Variants in CROCC2 observed in about 807,000 individuals in gnomAD.
CROCC2 encodes ciliary rootlet coiled-coil protein 2.
CROCC2 carries 163 observed loss-of-function variants against 177.6 expected under a neutral mutation model. That is an observed-to-expected ratio of 0.92 (90% CI 0.81 to 1.05). CROCC2 has a LOEUF of 1.05. CROCC2 is among the 50% of genes least tolerant of loss of function. The probability of loss-of-function intolerance (pLI) is 0.00; values close to 1 mark genes in which losing one functional copy is unlikely to be tolerated. For missense variants in CROCC2, 1,929 were observed against 1,797.8 expected, an observed-to-expected ratio of 1.07 and a Z score of -1.32; for synonymous variants, 904 against 787.3, an observed-to-expected ratio of 1.15 and a Z score of -2.48.
At chr2:240,957,201 C>T (rs1052938562) in intron 19 of CROCC2, among the ~76,000 whole-genome samples, 2 of 152,208 alleles carry the variant, frequency 1.3e-5, no homozygotes, top group Non-Finnish European at 2.9e-5. Context: ...TGGCCACACA[C>T]ACCCCATTAG....
chr2:240,963,240 G>C, intron 20 of CROCC2: 2 of 403,980 alleles, frequency 5.0e-6, no homozygotes, highest in Non-Finnish European at 9.0e-6. Flanking sequence ...GTGCTGAGCC[G>C]CATCCCAGGT....
chr2:240,963,447 G>A, intron 20 of CROCC2, 109 bp from the exon 21 acceptor site: 1 of 1,164,126 alleles, frequency 8.6e-7, no homozygotes, highest in Admixed American at 2.9e-5. Flanking sequence ...GGACCAAGTT[G>A]GGCAGGGCAC....
chr2:240,930,861 C>A, intron 6 of CROCC2, 70 bp from the exon 7 acceptor site: 1 of 629,198 alleles, frequency 1.6e-6, no homozygotes, highest in Non-Finnish European at 2.9e-6. Context: ...CTCTGTGGGG[C>A]TGATGGGACC....
chr2:240,911,335 C>T (rs1367039505), intron 1 of CROCC2, among the ~76,000 whole-genome samples: 56 of 133,822 alleles, frequency 4.2e-4, no homozygotes, highest in African/African-American at 1.4e-3. Flanking sequence ...TGGTCTCTGT[C>T]GCCCAGGCTG....
intron 27 of CROCC2, among the ~76,000 whole-genome samples, chr2:240,981,346 C>G (rs1231010908): frequency 1.3e-5 from 2 of 152,200 alleles, no homozygotes; most frequent in Non-Finnish European, 2.9e-5. Flanking sequence ...GGGAGAAGGG[C>G]TGGGGTTCTT....
At chr2:240,948,496 G>C (rs1425805302) in intron 15 of CROCC2, among the ~76,000 whole-genome samples, 2 of 152,188 alleles carry the variant, frequency 1.3e-5, no homozygotes, top group Non-Finnish European at 2.9e-5. Context: ...TTAATGCCTT[G>C]CTTTGTTCAC....
chr2:240,992,753 A>G (rs926901539), intron 31 of CROCC2, among the ~76,000 whole-genome samples: 1 of 152,222 alleles, frequency 6.6e-6, no homozygotes, highest in African/African-American at 2.4e-5. Flanking sequence ...ACTGCTGGAG[A>G]GTGCTCTGCC....
chr2:240,991,119 G>A, intron 30 of CROCC2, 77 bp from the exon 31 acceptor site: 1 of 1,087,306 alleles, frequency 9.2e-7, no homozygotes, highest in Middle Eastern at 2.1e-4. Flanking sequence ...CTGTCACAGA[G>A]CCCTCCATGC....
intron 31 of CROCC2, among the ~76,000 whole-genome samples, chr2:240,991,830 G>A (rs556549536): frequency 4.7e-4 from 71 of 152,342 alleles, no homozygotes; most frequent in African/African-American, 1.6e-3. Flanking sequence ...GGGAAAACAC[G>A]TGGGAAACAT....
intron 28 of CROCC2, 125 bp from the exon 29 acceptor site, chr2:240,988,614 C>T (rs552297277): frequency 1.8e-4 from 191 of 1,042,374 alleles, no homozygotes; most frequent in African/African-American, 3.5e-4. Context: ...CCCTTCCTGA[C>T]GCTGCCAGCT....
chr2:240,919,070 G>A (rs1465138013), intron 2 of CROCC2, among the ~76,000 whole-genome samples, 194 bp downstream of exon 2: 1 of 139,132 alleles, frequency 7.2e-6, no homozygotes, highest in Non-Finnish European at 1.6e-5. Flanking sequence ...ACGGTCCTGG[G>A]CCCGGGGCTG....
intron 1 of CROCC2, among the ~76,000 whole-genome samples, chr2:240,913,137 A>G (rs1208498195): frequency 6.6e-6 from 1 of 152,072 alleles, no homozygotes; most frequent in African/African-American, 2.4e-5. Flanking sequence ...ATCGTGTCCC[A>G]CAATCCTCCA....
chr2:240,916,823 A>G (rs1221103093), intron 1 of CROCC2, among the ~76,000 whole-genome samples: 1 of 152,150 alleles, frequency 6.6e-6, no homozygotes, highest in Non-Finnish European at 1.5e-5. Context: ...TGAGCGGAGC[A>G]TGACGGTCTC....
At chr2:240,981,255 T>C (rs34684807) in intron 27 of CROCC2, among the ~76,000 whole-genome samples, 4 of 94,832 alleles carry the variant, frequency 4.2e-5, no homozygotes, top group Non-Finnish European at 6.8e-5. Context: ...TAGGAGCCTC[T>C]GGAGCCCAGG....
intron 26 of CROCC2, 99 bp from the exon 27 acceptor site, chr2:240,968,030 C>T (rs975134591): frequency 1.3e-5 from 16 of 1,239,956 alleles, no homozygotes; most frequent in East Asian, 1.2e-4. Context: ...CCCACCTCCA[C>T]GTGGGAGCCA....
intron 2 of CROCC2, among the ~76,000 whole-genome samples, chr2:240,919,143 G>T (rs1362146414): frequency 7.0e-6 from 1 of 143,130 alleles, no homozygotes; most frequent in Non-Finnish European, 1.5e-5. Context: ...CAGCGTGGGG[G>T]ACAGTCCTGG....
chr2:240,965,593 CCTCA>C, intron 23 of CROCC2, 39 bp from the exon 24 acceptor site: 4 of 1,549,674 alleles, frequency 2.6e-6, no homozygotes, highest in Non-Finnish European at 3.5e-6. Flanking sequence ...CACCCCACTT[CCTCA>C]CTGTCTCCCA....
chr2:240,930,314 G>A, intron 6 of CROCC2, 45 bp downstream of exon 6: 1 of 494,232 alleles, frequency 2.0e-6, no homozygotes, highest in Non-Finnish European at 3.7e-6. Context: ...CAGGCTGCAG[G>A]GAGCTGAAAC....
chr2:240,948,267 G>A (rs926377799), intron 15 of CROCC2, among the ~76,000 whole-genome samples: 9 of 152,070 alleles, frequency 5.9e-5, no homozygotes, highest in African/African-American at 1.7e-4. Flanking sequence ...GAGCCCTGGC[G>A]AGCCCCAGAA....
Sources: allele counts gnomAD v4.1 joint callset (sites outside exome capture counted in the v4.1 genomes callset), GRCh38; gene constraint gnomAD v4.1.1; transcripts MANE v1.5; gene names NCBI Gene and HGNC (gene_info 2026-07-23, HGNC 2026-07-21).